SMARCA4: variants seen among roughly 807,000 people sequenced by gnomAD.
The protein encoded by SMARCA4 is SWI/SNF-related matrix-associated actin-dependent regulator of chromatin subfamily A member 4.
SMARCA4 carries 31 observed loss-of-function variants against 193.9 expected under a neutral mutation model. That is an observed-to-expected ratio of 0.16 (90% CI 0.12 to 0.22). The LOEUF (loss-of-function observed/expected upper bound fraction) is 0.22, where lower values mean the gene tolerates loss of function less well. Among genes scored for constraint, SMARCA4 ranks in the 10% least tolerant of loss-of-function variants. The pLI, the probability that SMARCA4 is intolerant of heterozygous loss-of-function variation, is 1.00. For missense variants in SMARCA4, 1,148 were observed against 2,296.0 expected, an observed-to-expected ratio of 0.50 and a Z score of 10.22; for synonymous variants, 942 against 933.1, an observed-to-expected ratio of 1.01 and a Z score of -0.17.
chr19:10,966,812 C>T (rs569937646), intron 1 of SMARCA4, among the ~76,000 whole-genome samples: 79 of 149,972 alleles, frequency 5.3e-4, no homozygotes, highest in African/African-American at 1.9e-3. Flanking sequence ...TGCTTGAACC[C>T]GGGAGGCCAA....
At chr19:10,996,591 C>T (rs1237426022) in intron 11 of SMARCA4, 47 bp downstream of exon 11, 16 of 1,558,308 alleles carry the variant, frequency 1.0e-5, no homozygotes, top group East Asian at 9.0e-5. Flanking sequence ...AGCCCTAAGG[C>T]GTTGGTCTGT....
At chr19:11,000,838 C>T (rs1372605096) in intron 11 of SMARCA4, among the ~76,000 whole-genome samples, 2 of 131,582 alleles carry the variant, frequency 1.5e-5, no homozygotes, top group East Asian at 2.2e-4. Context: ...CCAGCCTGGG[C>T]GACAGAGTGA....
intron 16 of SMARCA4, 35 bp downstream of exon 16, chr19:11,013,147 G>A (rs374732304): frequency 1.4e-4 from 226 of 1,606,942 alleles, no homozygotes; most frequent in Admixed American, 1.8e-4. Context: ...CCCACACGCC[G>A]CTCACACGCT....
intron 12 of SMARCA4, 82 bp from the exon 13 acceptor site, chr19:11,003,258 G>A (rs1191057767): frequency 1.2e-6 from 2 of 1,604,976 alleles, no homozygotes; most frequent in East Asian, 4.5e-5. Context: ...ACTTCTGTTT[G>A]AATTCCCGGC....
At chr19:10,988,683 G>T (rs1169441341) in intron 6 of SMARCA4, among the ~76,000 whole-genome samples, 5 of 152,122 alleles carry the variant, frequency 3.3e-5, no homozygotes, top group Admixed American at 3.3e-4. Context: ...GTCACTTCCA[G>T]CCACTCTCTG....
intron 30 of SMARCA4, among the ~76,000 whole-genome samples, chr19:11,055,665 G>GC (rs1446226252): frequency 6.6e-6 from 1 of 152,210 alleles, no homozygotes; most frequent in African/African-American, 2.4e-5. Flanking sequence ...TGTGCAGTAA[G>GC]CCCCCCATGG....
At chr19:11,055,513 G>A (rs1314136894) in intron 30 of SMARCA4, among the ~76,000 whole-genome samples, 2 of 151,580 alleles carry the variant, frequency 1.3e-5, no homozygotes, top group Admixed American at 6.6e-5. Context: ...TTTGCTGCCT[G>A]TAGCTGTTTC....
chr19:11,045,092 G>A (rs1427157754), intron 30 of SMARCA4, among the ~76,000 whole-genome samples: 2 of 152,300 alleles, frequency 1.3e-5, no homozygotes, highest in South Asian at 2.1e-4. Context: ...AGGCCGAGGC[G>A]GGCGGATCAC....
rs773011241 is a variant in SMARCA4, at chr19:10,986,960, G to A, written c.816G>A (p.Met272Ile). The change falls in exon 5 of 35, where the codon ATG (methionine) becomes ATA (isoleucine). Residue 272 changes from methionine (M) to isoleucine (I), a missense_variant. Physicochemically the swap from Met to Ile is conservative, Grantham distance 10 (BLOSUM62 1). This residue lies in a region of SMARCA4 where 257 missense variants were observed against 276.5 expected (regional missense o/e 0.93). Coordinates refer to ENST00000344626, the MANE Select transcript of SMARCA4 (RefSeq NM_003072.5). This position sits in a 1 kb window ranked among gnomAD's most constrained non-coding sequence, Gnocchi z 6.7. ...GACCCTCGGGCGTGCCCCCCGGGATGCCAGGCCAGCCTCCTGGAGGGCCTC... is the reference window on the plus strand; with the variant it reads ...GACCCTCGGGCGTGCCCCCCGGGATACCAGGCCAGCCTCCTGGAGGGCCTC... ...PPGPSGVPPG[M>I]PGQPPGGPPK... The A allele has an allele frequency of 1.2e-6, 2 of 1,609,828 alleles. No homozygotes were observed. The highest frequency in any genetic ancestry group is 1.7e-6 in the Non-Finnish European group (2 of 1,179,916).
intron 16 of SMARCA4, among the ~76,000 whole-genome samples, chr19:11,015,568 A>G (rs1340224926): frequency 6.6e-6 from 1 of 152,012 alleles, no homozygotes; most frequent in East Asian, 1.9e-4. Flanking sequence ...TAGGAGTTAC[A>G]CTTTCCGTTA....
chr19:11,002,464 G>A (rs920105137), intron 11 of SMARCA4, among the ~76,000 whole-genome samples: 4 of 152,004 alleles, frequency 2.6e-5, no homozygotes, highest in Admixed American at 1.3e-4. Context: ...GGGCAACAGA[G>A]TGAGACTCCA....
At chr19:11,025,833 C>T (rs1445139946) in intron 22 of SMARCA4, among the ~76,000 whole-genome samples, 6 of 152,206 alleles carry the variant, frequency 3.9e-5, no homozygotes, top group Non-Finnish European at 5.9e-5. Flanking sequence ...TCTCACGTTG[C>T]GGGGCGTCAA....
rs776699714 is a variant in SMARCA4 at position 11,041,265 on chromosome 19, C to G, written c.4171-42C>G. On this transcript the variant is annotated intron_variant, in intron 29 of 34. Coordinates refer to ENST00000344626, the MANE Select transcript of SMARCA4 (RefSeq NM_003072.5). This position sits in a 1 kb window ranked among gnomAD's most constrained non-coding sequence, Gnocchi z 5.6. The stretch of plus-strand genomic sequence containing the variant: ...TGCGTCGCGGCCTCTGCTTGTCGAC[C>G]TGGGTGCTGGCTGTCCTATTTTACT... 2.5e-6 allele frequency: 4 copies of G among 1,573,884 alleles called. No homozygotes were observed. In the Admixed American group the frequency reaches 6.9e-5, roughly 27 times the overall value.
intron 9 of SMARCA4, chr19:10,995,417 C>T (rs774744978): frequency 5.6e-5 from 26 of 462,388 alleles, no homozygotes; most frequent in South Asian, 3.9e-4. Flanking sequence ...GGGGACATGG[C>T]CCCTGCCTTT....
intron 16 of SMARCA4, among the ~76,000 whole-genome samples, chr19:11,014,027 G>A (rs528964155): frequency 3.4e-4 from 52 of 152,308 alleles, no homozygotes; most frequent in African/African-American, 1.2e-3. Context: ...TACTGGTCCA[G>A]TTCAAGTCAC....
rs1600632600 is a variant in SMARCA4, at chr19:11,058,511, G to A, written c.4533+148G>A. On this transcript the variant is annotated intron_variant, in intron 31 of 34. Transcript: ENST00000344626. This position sits in a 1 kb window ranked among gnomAD's most constrained non-coding sequence, Gnocchi z 5.8. Reference sequence around the variant, plus strand: ...GGGCTACCTGGTTAGGGACCTGGTCGTGGGCTTTTGGGGTTCCTTGTAAGG... The same window carrying A: ...GGGCTACCTGGTTAGGGACCTGGTCATGGGCTTTTGGGGTTCCTTGTAAGG... 15 of 724,868 alleles carry A rather than the reference G, an allele frequency of 2.1e-5. No individual in the cohort carries two copies. Among genetic ancestry groups the A allele is most frequent in the South Asian group, 1.9e-4 (13 of 67,310 alleles). 44.9% of individuals were successfully genotyped at this position (724,868 alleles called of 1,614,324 possible).
At chr19:10,991,618 A>C (rs923716352) in intron 8 of SMARCA4, among the ~76,000 whole-genome samples, 9 of 152,100 alleles carry the variant, frequency 5.9e-5, no homozygotes, top group African/African-American at 2.2e-4. Context: ...ATGTTGGGGG[A>C]GTTCTTTCTT....
rs1252148399 is a variant in SMARCA4 at position 11,019,347 on chromosome 19, C to T, written c.2506-244C>T. The T allele has an allele frequency of 5.0e-5, 30 of 605,224 alleles. No homozygotes were observed. Among genetic ancestry groups the T allele is most frequent in the Non-Finnish European group, 8.3e-5 (28 of 339,298 alleles). The allele number at this position is 605,224 out of a possible 1,614,324, so 37.5% of individuals were successfully genotyped here. A position where few individuals can be genotyped will look rare whatever the true frequency, so the allele number is the denominator to read the frequency against. ...AATGTGCAGATGGCGGTGCAGGCTGCGTGGTTCCCTCAGGCCCCGGCCGCC... is the reference window on the plus strand; with the variant it reads ...AATGTGCAGATGGCGGTGCAGGCTGTGTGGTTCCCTCAGGCCCCGGCCGCC... On this transcript the variant is annotated intron_variant, in intron 17 of 34. Transcript: ENST00000344626. The surrounding 1 kb of genome is among the most constrained non-coding windows in gnomAD (Gnocchi z 6.1).
Position 10,987,094 on chromosome 19 carries a change from G to T in SMARCA4, c.859+91G>T, listed in dbSNP as rs184451899. The stretch of plus-strand genomic sequence containing the variant: ...AGATGAGCTTTGTCAGGGAGAAAGG[G>T]CCGAGGGTGGTCAGGCTGAACTGCA... On this transcript the variant is annotated intron_variant, in intron 5 of 34. Transcript: ENST00000344626. This position sits in a 1 kb window ranked among gnomAD's most constrained non-coding sequence, Gnocchi z 5.3. 126 of 935,802 alleles carry T rather than the reference G, an allele frequency of 1.3e-4. No individual in the cohort carries two copies. In the African/African-American group the frequency reaches 1.6e-3, roughly 12 times the overall value. 58.0% of individuals were successfully genotyped at this position (935,802 alleles called of 1,614,324 possible).
Sources: gnomAD v4.1 joint callset for allele counts (sites outside exome capture counted in the v4.1 genomes callset) on GRCh38, gnomAD v4.1.1 for gene constraint, gnomAD v4.1.1 regional missense constraint, Gnocchi (gnomAD v3.1) non-coding constraint, MANE v1.5 for transcripts, NCBI Gene and HGNC (gene_info 2026-07-23, HGNC 2026-07-21) for gene names.